Variants in BTRC observed in about 807,000 individuals in gnomAD.
BTRC encodes F-box/WD repeat-containing protein 1A.
In BTRC, 42 loss-of-function variants were observed where a neutral mutation model predicts 85.5. The ratio of observed to expected loss-of-function variants is 0.49; its 90% CI spans 0.38 to 0.64. The LOEUF (loss-of-function observed/expected upper bound fraction) is 0.64. Ranked by LOEUF, BTRC falls within the 30% of genes least tolerant of loss-of-function variation. The pLI is 0.00. For missense variants in BTRC, 594 were observed against 743.5 expected (o/e 0.80, Z 2.34); for synonymous variants, 255 against 263.3 (o/e 0.97, Z 0.30).
intron 3 of BTRC, among the ~76,000 whole-genome samples, chr10:101,467,458 C>A (rs764903643): frequency 6.6e-6 from 1 of 151,886 alleles, no homozygotes; most frequent in African/African-American, 2.4e-5. Flanking sequence ...TCCCTATCTG[C>A]CGTTGCTTTG....
At chr10:101,439,451 A>C (rs546524619) in intron 2 of BTRC, among the ~76,000 whole-genome samples, 2 of 152,346 alleles carry the variant, frequency 1.3e-5, no homozygotes, top group African/African-American at 4.8e-5. Flanking sequence ...AATGAGAGAA[A>C]GAGAGACTGA....
At chr10:101,382,139 C>T (rs1374993129) in intron 1 of BTRC, among the ~76,000 whole-genome samples, 5 of 151,618 alleles carry the variant, frequency 3.3e-5, no homozygotes, top group South Asian at 2.1e-4. Context: ...CCTGCCACCA[C>T]GCCCGGTTAA....
intron 2 of BTRC, 112 bp downstream of exon 2, chr10:101,430,564 A>G: frequency 1.3e-6 from 1 of 785,618 alleles, no homozygotes; most frequent in South Asian, 1.7e-5. Flanking sequence ...TTTCTCCTTC[A>G]TATTGCCTGT....
chr10:101,389,581 T>TCAAGTTA (rs1358506854), intron 1 of BTRC, among the ~76,000 whole-genome samples: 1 of 150,470 alleles, frequency 6.6e-6, no homozygotes, highest in Non-Finnish European at 1.5e-5. Context: ...TCAGTTACAG[T>TCAAGTTA]CAAGTTACAC....
At chr10:101,438,834 T>A (rs981051071) in intron 2 of BTRC, among the ~76,000 whole-genome samples, 1 of 152,182 alleles carries the variant, frequency 6.6e-6, no homozygotes, top group Non-Finnish European at 1.5e-5. Flanking sequence ...ATAAAATTAG[T>A]ACAGGATTCC....
At chr10:101,501,380 A>G (rs1430381510) in intron 4 of BTRC, among the ~76,000 whole-genome samples, 1 of 152,230 alleles carries the variant, frequency 6.6e-6, no homozygotes, top group Non-Finnish European at 1.5e-5. Flanking sequence ...CTCATGTTAC[A>G]CATGAACTCC....
At chr10:101,484,617 C>T (rs887629726) in intron 4 of BTRC, among the ~76,000 whole-genome samples, 15 of 152,182 alleles carry the variant, frequency 9.9e-5, no homozygotes, top group Non-Finnish European at 4.4e-5. Context: ...CTTTAAGATA[C>T]TGTTCCACAA....
At chr10:101,473,616 A>G (rs1234936417) in intron 3 of BTRC, among the ~76,000 whole-genome samples, 1 of 151,700 alleles carries the variant, frequency 6.6e-6, no homozygotes, top group Non-Finnish European at 1.5e-5. Flanking sequence ...GATTACAGGC[A>G]CTTGCCACCA....
At chr10:101,501,855 T>C (rs1226040532) in intron 4 of BTRC, among the ~76,000 whole-genome samples, 3 of 152,208 alleles carry the variant, frequency 2.0e-5, no homozygotes, top group African/African-American at 7.2e-5. Flanking sequence ...ATTTTCATTT[T>C]CTTATTACAA....
At chr10:101,548,022 A>T (rs1485259449) in intron 13 of BTRC, among the ~76,000 whole-genome samples, 1 of 152,262 alleles carries the variant, frequency 6.6e-6, no homozygotes, top group East Asian at 1.9e-4. Flanking sequence ...ATAAAGAAAA[A>T]TGCAAATTAA....
chr10:101,373,642 G>T (rs1942702902), intron 1 of BTRC, among the ~76,000 whole-genome samples: 1 of 152,132 alleles, frequency 6.6e-6, no homozygotes, highest in Non-Finnish European at 1.5e-5. Context: ...GCAGGGCCGG[G>T]CGCGGTGGTT....
intron 2 of BTRC, among the ~76,000 whole-genome samples, chr10:101,430,750 TAGC>T (rs1447745603): frequency 6.6e-6 from 1 of 152,192 alleles, no homozygotes; most frequent in African/African-American, 2.4e-5. Flanking sequence ...TCTCAATAAA[TAGC>T]AGTTCAATAC....
intron 1 of BTRC, among the ~76,000 whole-genome samples, chr10:101,356,159 C>T (rs969006639): frequency 1.3e-5 from 2 of 152,184 alleles, no homozygotes; most frequent in African/African-American, 4.8e-5. Flanking sequence ...TGGGCCACCA[C>T]GCCCATCTAA....
chr10:101,535,870 T>G (rs748265778), intron 11 of BTRC, among the ~76,000 whole-genome samples: 15 of 152,220 alleles, frequency 9.9e-5, no homozygotes, highest in Non-Finnish European at 1.6e-4. Context: ...TTTGGGGTTT[T>G]CCCTTCACAA....
chr10:101,387,147 A>T (rs1197709927), intron 1 of BTRC, among the ~76,000 whole-genome samples: 2 of 152,070 alleles, frequency 1.3e-5, no homozygotes, highest in East Asian at 3.8e-4. Context: ...TCAGTGCCAT[A>T]CTATCTTATT....
At chr10:101,517,025 G>T (rs2062033643) in intron 4 of BTRC, among the ~76,000 whole-genome samples, 1 of 152,172 alleles carries the variant, frequency 6.6e-6, no homozygotes, top group Non-Finnish European at 1.5e-5. Context: ...GCCTGCCTGT[G>T]TGTTAGTTCT....
intron 4 of BTRC, among the ~76,000 whole-genome samples, chr10:101,503,589 T>G (rs1163955643): frequency 1.3e-5 from 2 of 152,152 alleles, no homozygotes; most frequent in Non-Finnish European, 2.9e-5. Flanking sequence ...TATTAAAGTT[T>G]TACCTGAAGA....
intron 4 of BTRC, among the ~76,000 whole-genome samples, chr10:101,489,842 TC>T (rs1024499718): frequency 1.3e-5 from 2 of 152,322 alleles, no homozygotes; most frequent in African/African-American, 4.8e-5. Context: ...TTTGAAGGCA[TC>T]TTTTTTTGTT....
At chr10:101,365,904 A>C (rs963306139) in intron 1 of BTRC, among the ~76,000 whole-genome samples, 2 of 152,204 alleles carry the variant, frequency 1.3e-5, no homozygotes, top group African/African-American at 4.8e-5. Context: ...ACATTGTAGC[A>C]AGTGTACTGG....
Sources: gnomAD v4.1 joint callset for allele counts (sites outside exome capture counted in the v4.1 genomes callset) on GRCh38, gnomAD v4.1.1 for gene constraint, MANE v1.5 for transcripts, NCBI Gene and HGNC (gene_info 2026-07-23, HGNC 2026-07-21) for gene names.